The following IL1RAPL1 variants were observed in gnomAD, a reference collection of about 807,000 sequenced individuals.
The protein encoded by IL1RAPL1 is interleukin-1 receptor accessory protein-like 1.
IL1RAPL1 carries 3 observed loss-of-function variants against 48.4 expected under a neutral mutation model. The observed-to-expected ratio is 0.06, with a 90% confidence interval of 0.03 to 0.16. The LOEUF is 0.16. Among genes scored for constraint, IL1RAPL1 ranks in the 10% least tolerant of loss-of-function variants. The probability of loss-of-function intolerance (pLI) is 1.00; values close to 1 mark genes in which losing one functional copy is unlikely to be tolerated. For missense variants in IL1RAPL1, 349 were observed against 530.6 expected (o/e 0.66, Z 3.36); for synonymous variants, 185 against 187.7 (o/e 0.99, Z 0.12).
intron 2 of IL1RAPL1, among the ~76,000 whole-genome samples, chrX:29,121,891 T>C (rs1036763688): frequency 2.7e-5 from 3 of 112,168 alleles, no homozygotes; most frequent in African/African-American, 9.7e-5. Context: ...TTATTTATGT[T>C]ATATAACACT....
chrX:29,900,734 G>A (rs1273744313), intron 6 of IL1RAPL1, among the ~76,000 whole-genome samples: 1 of 111,483 alleles, frequency 9.0e-6, no homozygotes, highest in Non-Finnish European at 1.9e-5. Flanking sequence ...AGTATTAGGG[G>A]ATTAGCAGGA....
intron 1 of IL1RAPL1, among the ~76,000 whole-genome samples, chrX:28,596,855 GTTA>G (rs1258958400): frequency 9.0e-6 from 1 of 111,401 alleles, no homozygotes; most frequent in African/African-American, 3.3e-5. Context: ...AAGGCCACCT[GTTA>G]TTATAATTCA....
At chrX:28,595,920 G>C (rs1933948888) in intron 1 of IL1RAPL1, among the ~76,000 whole-genome samples, 1 of 111,059 alleles carries the variant, frequency 9.0e-6, no homozygotes, top group Admixed American at 9.6e-5. Context: ...GATCTCTAGG[G>C]GTTTTTGACT....
intron 1 of IL1RAPL1, among the ~76,000 whole-genome samples, chrX:28,613,751 G>A (rs1934180906): frequency 8.9e-6 from 1 of 111,930 alleles, no homozygotes; most frequent in South Asian, 3.7e-4. Context: ...CTCCAGCCAC[G>A]GGACAGAAGG....
chrX:28,822,884 T>C lies in IL1RAPL1; in HGVS notation c.82+33459T>C, dbSNP rs372923023. ...GTACCACTTCCACCAACCCCTGTTA[T>C]TTTTTGTGACACAACATCTTTTCCT... On this transcript the variant is annotated intron_variant, in intron 2 of 10. Transcript: ENST00000378993. Among the ~76,000 whole-genome samples, 27 of 111,648 alleles carry C rather than the reference T, an allele frequency of 2.4e-4. No individual in the cohort carries two copies. The East Asian group carries it at 4.8e-3, about 20-fold the overall frequency.
intron 2 of IL1RAPL1, among the ~76,000 whole-genome samples, chrX:29,183,681 CTATTT>C (rs981783636): frequency 2.1e-4 from 23 of 111,983 alleles, no homozygotes; most frequent in African/African-American, 6.2e-4. Flanking sequence ...CTCCCATTCC[CTATTT>C]TATTTTATTT....
At chrX:29,160,729 G>A (rs1482648492) in intron 2 of IL1RAPL1, among the ~76,000 whole-genome samples, 1 of 112,220 alleles carries the variant, frequency 8.9e-6, no homozygotes, top group African/African-American at 3.2e-5. Flanking sequence ...CTTGTAGTCT[G>A]GGAGAAAATT....
intron 1 of IL1RAPL1, among the ~76,000 whole-genome samples, chrX:28,710,470 CA>C (rs756496158): frequency 9.1e-6 from 1 of 109,364 alleles, no homozygotes. Context: ...AGCAGTGGGT[CA>C]AACATAGGCC....
intron 5 of IL1RAPL1, among the ~76,000 whole-genome samples, chrX:29,459,835 G>A (rs1467563486): frequency 2.7e-5 from 3 of 111,582 alleles, no homozygotes; most frequent in East Asian, 5.6e-4. Flanking sequence ...TCTAGTTATC[G>A]TGTTGTACAG....
intron 2 of IL1RAPL1, among the ~76,000 whole-genome samples, chrX:29,271,339 CTTTA>C (rs1235813935): frequency 1.8e-5 from 2 of 111,979 alleles, no homozygotes; most frequent in Non-Finnish European, 3.8e-5. Flanking sequence ...ATACATGTGT[CTTTA>C]TGACAGAACG....
At chrX:29,126,756 A>G (rs1282871225) in intron 2 of IL1RAPL1, among the ~76,000 whole-genome samples, 1 of 112,269 alleles carries the variant, frequency 8.9e-6, no homozygotes, top group Non-Finnish European at 1.9e-5. Flanking sequence ...TTGAAAATAT[A>G]ATTAGTAAGT....
At chrX:29,196,778 A>C (rs942174907) in intron 2 of IL1RAPL1, among the ~76,000 whole-genome samples, 1 of 110,453 alleles carries the variant, frequency 9.1e-6, no homozygotes, top group Admixed American at 9.9e-5. Context: ...GGGGGCAGTA[A>C]GTTCCTATAT....
chrX:29,907,502 A>G (rs1325767452), intron 6 of IL1RAPL1, among the ~76,000 whole-genome samples: 1 of 111,590 alleles, frequency 9.0e-6, no homozygotes, highest in Non-Finnish European at 1.9e-5. Context: ...ATATGAAACT[A>G]ATTTTTGTTT....
At chrX:29,121,866 T>A (rs1928792952) in intron 2 of IL1RAPL1, among the ~76,000 whole-genome samples, 1 of 112,191 alleles carries the variant, frequency 8.9e-6, no homozygotes, top group South Asian at 3.7e-4. Context: ...AGTCAATTAC[T>A]TCCAGTTAAA....
At chrX:28,969,225 G>A (rs1029963238) in intron 2 of IL1RAPL1, among the ~76,000 whole-genome samples, 20 of 111,761 alleles carry the variant, frequency 1.8e-4, no homozygotes, top group African/African-American at 6.5e-4. Flanking sequence ...CCAAGCTGGG[G>A]TTTTGGTTAC....
chrX:28,825,905 G>C (rs1936990391), intron 2 of IL1RAPL1, among the ~76,000 whole-genome samples: 3 of 111,190 alleles, frequency 2.7e-5, no homozygotes, highest in Non-Finnish European at 3.8e-5. Context: ...ACTCTGAAGT[G>C]AATGACACAG....
intron 2 of IL1RAPL1, among the ~76,000 whole-genome samples, chrX:29,264,688 T>C (rs772052630): frequency 9.0e-6 from 1 of 110,577 alleles, no homozygotes; most frequent in East Asian, 2.8e-4. Context: ...GACCTAAAAA[T>C]TGAATTGAAA....
chrX:29,277,312 G>A (rs1384628900), intron 2 of IL1RAPL1, among the ~76,000 whole-genome samples: 2 of 111,724 alleles, frequency 1.8e-5, no homozygotes, highest in Non-Finnish European at 3.8e-5. Flanking sequence ...ACTTTCTCAT[G>A]TCACTTCTAA....
chrX:29,372,773 CTT>C lies in IL1RAPL1; in HGVS notation c.363-23463_363-23462del, dbSNP rs1160543169. 8.3e-3 allele frequency among the ~76,000 whole-genome samples: 525 copies of C among 63,295 alleles called. 2 individuals are homozygous for C. Among genetic ancestry groups the C allele is most frequent in the African/African-American group, 0.032 (502 of 15,597 alleles). The allele number at this position is 63,295 out of a possible 115,157, so 55.0% of individuals were successfully genotyped here. The stretch of plus-strand genomic sequence containing the variant: ...TGTTCTATTCCATTGGTCTATGTGT[CTT>C]TTTTTTTTTTTTTTTTTTTTTGTAC... On this transcript the variant is annotated intron_variant, in intron 3 of 10. Transcript: ENST00000378993.
Sources: gnomAD v4.1 joint callset for allele counts (sites outside exome capture counted in the v4.1 genomes callset) on GRCh38, gnomAD v4.1.1 for gene constraint, MANE v1.5 for transcripts, NCBI Gene and HGNC (gene_info 2026-07-23, HGNC 2026-07-21) for gene names.